RIMKLB: variants seen among roughly 807,000 people sequenced by gnomAD.
RIMKLB encodes ribosomal modification protein rimK like family member B.
In RIMKLB, 7 loss-of-function variants were observed where a neutral mutation model predicts 32.0. That is an observed-to-expected ratio of 0.22 (90% CI 0.12 to 0.41). The LOEUF is 0.41. Ranked by LOEUF, RIMKLB falls within the 10% of genes least tolerant of loss-of-function variation. The pLI, the probability that RIMKLB is intolerant of heterozygous loss-of-function variation, is 1.00. For synonymous variants in RIMKLB, 172 were observed against 185.1 expected (o/e 0.93, Z 0.57); for missense variants, 289 against 498.7 (o/e 0.58, Z 4.00).
chr12:8,678,263 AC>A (rs1416014885), upstream of RIMKLB, among the ~76,000 whole-genome samples: 1 of 151,280 alleles, frequency 6.6e-6, no homozygotes, highest in East Asian at 1.9e-4. Context: ...TGATCCTCGC[AC>A]GTTGGCCTCC....
downstream of RIMKLB, among the ~76,000 whole-genome samples, chr12:8,778,239 A>T (rs1950847916): frequency 6.6e-6 from 1 of 152,190 alleles, no homozygotes; most frequent in Non-Finnish European, 1.5e-5. Context: ...TAGAGTTTTG[A>T]AAGGTAAAAT....
chr12:8,678,969 A>G (rs1942360620), upstream of RIMKLB: 1 of 152,198 alleles, frequency 6.6e-6, no homozygotes, highest in Non-Finnish European at 1.5e-5. Flanking sequence ...GAATTCCAGT[A>G]ATCTTCAAGG....
chr12:8,721,148 G>C (rs111999196), intron 2 of RIMKLB, among the ~76,000 whole-genome samples: 6 of 152,266 alleles, frequency 3.9e-5, no homozygotes, highest in Admixed American at 2.0e-4. Flanking sequence ...CTGCAGATTT[G>C]GTTTCAGACC....
At chr12:8,765,904 T>A (rs1269278598) in intron 5 of RIMKLB, among the ~76,000 whole-genome samples, 3 of 152,166 alleles carry the variant, frequency 2.0e-5, no homozygotes, top group South Asian at 4.1e-4. Flanking sequence ...CCTCTTTTTT[T>A]ATACAAAAGA....
intron 5 of RIMKLB, among the ~76,000 whole-genome samples, chr12:8,765,082 G>T: frequency 6.6e-6 from 1 of 151,746 alleles, no homozygotes; most frequent in African/African-American, 2.4e-5. Flanking sequence ...AATGTCTGCA[G>T]CTGACTGAGT....
At chr12:8,692,824 G>A (rs1942771660), upstream of RIMKLB, among the ~76,000 whole-genome samples, 2 of 152,198 alleles carry the variant, frequency 1.3e-5, no homozygotes, top group Admixed American at 1.3e-4. Context: ...CTGGCTCCAG[G>A]AGAGGAAACA....
At chr12:8,766,610 C>A (rs1463329557) in intron 5 of RIMKLB, among the ~76,000 whole-genome samples, 1 of 152,216 alleles carries the variant, frequency 6.6e-6, no homozygotes, top group Non-Finnish European at 1.5e-5. Context: ...GGCAATTTTC[C>A]TAACTCTGCT....
the RIMKLB span, chr12:8,668,896 T>G: frequency 6.6e-6 from 1 of 151,804 alleles, no homozygotes; most frequent in Non-Finnish European, 1.5e-5. Context: ...AATGTTTTTG[T>G]TTTAAGCTGT....
intron 1 of RIMKLB, among the ~76,000 whole-genome samples, chr12:8,710,576 G>T (rs1250370641): frequency 6.6e-6 from 1 of 152,098 alleles, no homozygotes; most frequent in East Asian, 1.9e-4. Context: ...AAAGTTCTGG[G>T]ATTACAGGCA....
intron 7 of RIMKLB, among the ~76,000 whole-genome samples, chr12:8,782,671 T>A (rs541921947): frequency 6.6e-6 from 1 of 152,210 alleles, no homozygotes; most frequent in Admixed American, 6.5e-5. Flanking sequence ...TTAGCTTTTA[T>A]TTTTTAATGA....
At position 8,776,874 on chromosome 12, in the gene RIMKLB, C is replaced by G; in HGVS notation, c.*3090C>G. ...AAGGCATTGACTTTGAAAATCATCT[C>G]TTTTTCTCAAGAAGAAAGCAATGGA... On this transcript the variant is annotated 3_prime_UTR_variant, in exon 6 of 6. Transcript: ENST00000535829. 1.0e-6 allele frequency: 1 copy of G among 985,804 alleles called. No individual in the cohort carries two copies. Among genetic ancestry groups the G allele is most frequent in the Non-Finnish European group, 1.2e-6 (1 of 829,908 alleles). The allele number at this position is 985,804 out of a possible 1,614,324, so 61.1% of individuals were successfully genotyped here. A position where few individuals can be genotyped will look rare whatever the true frequency, so the allele number is the denominator to read the frequency against.
chr12:8,782,506 C>T (rs1343000885), intron 7 of RIMKLB, among the ~76,000 whole-genome samples: 1 of 152,064 alleles, frequency 6.6e-6, no homozygotes, highest in Non-Finnish European at 1.5e-5. Context: ...GTGTCAGCAT[C>T]TTAATTAAGT....
At chr12:8,669,997 AGCCT>A in the RIMKLB span, among the ~76,000 whole-genome samples, 1 of 144,162 alleles carries the variant, frequency 6.9e-6, no homozygotes, top group Admixed American at 7.2e-5. Flanking sequence ...ACTGCACTCC[AGCCT>A]GGGCGACAGA....
intron 1 of RIMKLB, among the ~76,000 whole-genome samples, chr12:8,701,830 C>A (rs931107817): frequency 2.6e-5 from 4 of 151,654 alleles, no homozygotes; most frequent in African/African-American, 9.7e-5. Context: ...AATGGCAAAA[C>A]CCCATCTCTA....
rs779467477 is a variant in RIMKLB at position 8,773,383 on chromosome 12, A to G, written c.760A>G (p.Asn254Asp). The G allele has an allele frequency of 1.9e-6, 3 of 1,614,184 alleles. No individual in the cohort carries two copies. The highest frequency in any genetic ancestry group is 1.7e-4 in the Middle Eastern group (1 of 6,060). The change falls in exon 6 of 6, where the codon AAT (asparagine) becomes GAT (aspartate). Residue 254 changes from asparagine to aspartate, a missense_variant. This residue lies in a region of RIMKLB where 156 missense variants were observed against 329.5 expected (regional missense o/e 0.47). Transcript: ENST00000535829. ...QGKQLAIQVSNILGMDVCGID... is the reference protein window; with the variant it reads ...QGKQLAIQVSDILGMDVCGID... Reference sequence around the variant, plus strand: ...GAAGCAGCTAGCTATCCAGGTGTCTAATATCCTGGGGATGGATGTGTGTGG... The same window carrying G: ...GAAGCAGCTAGCTATCCAGGTGTCTGATATCCTGGGGATGGATGTGTGTGG...
chr12:8,701,847 A>G (rs1395671630), intron 1 of RIMKLB, among the ~76,000 whole-genome samples: 1 of 151,980 alleles, frequency 6.6e-6, no homozygotes, highest in Non-Finnish European at 1.5e-5. Context: ...TCTACTAAAA[A>G]TACAAAAATT....
At chr12:8,777,335 G>A (rs975185317), downstream of RIMKLB, 2 of 989,986 alleles carry the variant, frequency 2.0e-6, no homozygotes, top group African/African-American at 1.8e-5. Flanking sequence ...ACAGAAATCT[G>A]CTGTTGGAAT....
intron 2 of RIMKLB, among the ~76,000 whole-genome samples, chr12:8,741,009 C>T (rs1947460797): frequency 6.6e-6 from 1 of 152,106 alleles, no homozygotes. Context: ...GAGTTCGAGA[C>T]CAGCCTGGCC....
chr12:8,678,382 G>A (rs957751835), upstream of RIMKLB, among the ~76,000 whole-genome samples: 1 of 151,800 alleles, frequency 6.6e-6, no homozygotes, highest in African/African-American at 2.4e-5. Context: ...CCAGGCTGGG[G>A]TGCAATGGTG....
Sources: allele counts gnomAD v4.1 joint callset (sites outside exome capture counted in the v4.1 genomes callset), GRCh38; gene constraint gnomAD v4.1.1; regional missense constraint gnomAD v4.1.1; transcripts MANE v1.5; gene names NCBI Gene and HGNC (gene_info 2026-07-23, HGNC 2026-07-21).